Variants in MYO16 observed in about 807,000 individuals in gnomAD.
MYO16 encodes myosin XVI.
In MYO16, 94 loss-of-function variants were observed where a neutral mutation model predicts 205.3. That is an observed-to-expected ratio of 0.46 (90% CI 0.39 to 0.54). The LOEUF is 0.54. Among genes scored for constraint, MYO16 ranks in the 20% least tolerant of loss-of-function variants. The pLI is 0.00. For missense variants in MYO16, 2,315 were observed against 2,387.5 expected (o/e 0.97, Z 0.63); for synonymous variants, 988 against 954.0 (o/e 1.04, Z -0.66).
chr13:108,841,129 G>T (rs572606198), intron 9 of MYO16, among the ~76,000 whole-genome samples: 3 of 152,226 alleles, frequency 2.0e-5, no homozygotes, highest in African/African-American at 7.2e-5. Context: ...TCACATGACT[G>T]GTTTCAAGGC....
chr13:108,662,936 T>C (rs966770839), intron 1 of MYO16, among the ~76,000 whole-genome samples: 2 of 152,144 alleles, frequency 1.3e-5, no homozygotes, highest in Non-Finnish European at 2.9e-5. Flanking sequence ...TTCTGCTGCT[T>C]CCTCTACCCA....
chr13:108,870,622 A>G (rs1412532592), intron 12 of MYO16, among the ~76,000 whole-genome samples: 4 of 77,648 alleles, frequency 5.2e-5, no homozygotes, highest in Non-Finnish European at 8.2e-5. Flanking sequence ...TTTTTAAAAA[A>G]TTATGTTATA....
rs565928092 is a variant in MYO16, at chr13:108,787,102, T to A, written c.616+1359T>A. Among the ~76,000 whole-genome samples, 9 of 152,352 alleles carry A rather than the reference T, an allele frequency of 5.9e-5. No homozygotes were observed. In the South Asian group the frequency reaches 1.7e-3, roughly 28 times the overall value. On this transcript the variant is annotated intron_variant, in intron 5 of 34. Coordinates refer to ENST00000457511, the MANE Select transcript of MYO16 (RefSeq NM_001198950.3). Reference sequence around the variant, plus strand: ...GTTAATGATACTGTATTGCATACTTTGAAATTTGCTGAGATCATAGTTTGT... The same window carrying A: ...GTTAATGATACTGTATTGCATACTTAGAAATTTGCTGAGATCATAGTTTGT...
chr13:109,029,168 G>C (rs1012866104), intron 23 of MYO16, among the ~76,000 whole-genome samples: 1 of 143,068 alleles, frequency 7.0e-6, no homozygotes, highest in African/African-American at 2.6e-5. Flanking sequence ...AGGCTGGAGT[G>C]CAAAGACACA....
At chr13:108,644,281 C>G (rs928174026) in intron 1 of MYO16, among the ~76,000 whole-genome samples, 8 of 152,110 alleles carry the variant, frequency 5.3e-5, no homozygotes, top group African/African-American at 1.9e-4. Context: ...AGGGTTCTTA[C>G]ACTCCCACCA....
intron 27 of MYO16, among the ~76,000 whole-genome samples, chr13:109,098,581 T>C (rs1888851535): frequency 6.6e-6 from 1 of 152,172 alleles, no homozygotes; most frequent in Non-Finnish European, 1.5e-5. Context: ...TGTTGACCAA[T>C]ACCGGCTGCA....
intron 7 of MYO16, among the ~76,000 whole-genome samples, chr13:108,819,221 T>C (rs1875816802): frequency 1.3e-5 from 2 of 152,210 alleles, no homozygotes; most frequent in African/African-American, 4.8e-5. Flanking sequence ...GCTTGAATAC[T>C]CACTGGGAGA....
chr13:108,681,686 G>T (rs186840052), intron 2 of MYO16, among the ~76,000 whole-genome samples: 2 of 152,144 alleles, frequency 1.3e-5, no homozygotes, highest in African/African-American at 2.4e-5. Context: ...TGGGGGTGGG[G>T]GTGGTAAATA....
chr13:108,730,100 C>T (rs722223), intron 4 of MYO16, among the ~76,000 whole-genome samples: 4,611 of 152,184 alleles, frequency 0.03, 208 homozygotes, highest in East Asian at 0.2. Context: ...TGATAAGGTT[C>T]GGCCATGTCC....
At chr13:108,498,826 T>C in the MYO16 span, among the ~76,000 whole-genome samples, 2 of 152,206 alleles carry the variant, frequency 1.3e-5, no homozygotes, top group Non-Finnish European at 2.9e-5. Context: ...TGCTTTTCCA[T>C]TTAGTATCTC....
intron 8 of MYO16, among the ~76,000 whole-genome samples, 158 bp downstream of exon 8, chr13:108,820,570 C>G (rs1220300217): frequency 1.3e-5 from 2 of 152,074 alleles, no homozygotes; most frequent in Non-Finnish European, 2.9e-5. Context: ...TCATCATCGC[C>G]TATGTACGAT....
At position 108,957,791 on chromosome 13, in the gene MYO16, A is replaced by C; in HGVS notation, c.2029A>C (p.Ser677Arg). 1 of 1,612,264 alleles carries C rather than the reference A, an allele frequency of 6.2e-7. No individual in the cohort carries two copies. Among genetic ancestry groups the C allele is most frequent in the Non-Finnish European group, 8.5e-7 (1 of 1,178,318 alleles). Residue 677 changes from serine (S) to arginine (R), a missense_variant, in exon 17 of 35, where the codon AGC (serine) becomes CGC (arginine). Ser to Arg is a moderately radical substitution (Grantham distance 110). This residue lies in a region of MYO16 where 1,213 missense variants were observed against 1,274.4 expected (regional missense o/e 0.95). Transcript: ENST00000457511. ...ACGAGCCCTGAATGTAGTTGGCTTC[A>C]GCAGCTTGGTGAGTCATGTCATAAA... ...LKRALNVVGFSSLEVENLFVI... is the reference protein window; with the variant it reads ...LKRALNVVGFRSLEVENLFVI...
intron 10 of MYO16, among the ~76,000 whole-genome samples, chr13:108,851,879 A>C (rs1370112732): frequency 6.6e-6 from 1 of 152,080 alleles, no homozygotes; most frequent in East Asian, 1.9e-4. Flanking sequence ...GGAATGTAGC[A>C]GCTCTTCCTC....
intron 23 of MYO16, among the ~76,000 whole-genome samples, chr13:109,027,828 C>T (rs777910722): frequency 1.3e-5 from 2 of 152,068 alleles, no homozygotes; most frequent in East Asian, 1.9e-4. Flanking sequence ...AACAGTACTT[C>T]GTAACATTTT....
chr13:108,709,063 A>G (rs1341245799), intron 2 of MYO16, among the ~76,000 whole-genome samples: 1 of 151,594 alleles, frequency 6.6e-6, no homozygotes, highest in Non-Finnish European at 1.5e-5. Flanking sequence ...CAAATATACA[A>G]TAAATGCTGA....
At chr13:109,078,827 T>G (rs1888196181) in intron 27 of MYO16, among the ~76,000 whole-genome samples, 1 of 152,192 alleles carries the variant, frequency 6.6e-6, no homozygotes, top group African/African-American at 2.4e-5. Flanking sequence ...TGCCCATGAA[T>G]TACACAGTTT....
chr13:108,615,019 A>G (rs1879301789), intron 1 of MYO16, among the ~76,000 whole-genome samples: 1 of 152,086 alleles, frequency 6.6e-6, no homozygotes, highest in African/African-American at 2.4e-5. Flanking sequence ...GTGAAAACAC[A>G]ACACATAGAA....
intron 6 of MYO16, among the ~76,000 whole-genome samples, chr13:108,796,887 T>A (rs774362958): frequency 8.6e-5 from 13 of 151,730 alleles, no homozygotes; most frequent in Non-Finnish European, 1.6e-4. Flanking sequence ...ACCTGCACGT[T>A]GTGCACATGT....
chr13:108,912,473 T>C (rs1337182668), intron 16 of MYO16, among the ~76,000 whole-genome samples: 1 of 152,072 alleles, frequency 6.6e-6, no homozygotes, highest in Non-Finnish European at 1.5e-5. Flanking sequence ...ATATAAAAAT[T>C]CCAAGCTTCT....
Sources: allele counts gnomAD v4.1 joint callset (sites outside exome capture counted in the v4.1 genomes callset), GRCh38; gene constraint gnomAD v4.1.1; regional missense constraint gnomAD v4.1.1; transcripts MANE v1.5; gene names NCBI Gene and HGNC (gene_info 2026-07-23, HGNC 2026-07-21).